Variants in ANKRD13C observed in about 807,000 individuals in gnomAD.
ANKRD13C encodes the protein ankyrin repeat domain 13C.
ANKRD13C carries 16 observed loss-of-function variants against 65.5 expected under a neutral mutation model. That is an observed-to-expected ratio of 0.24 (90% CI 0.17 to 0.37). ANKRD13C has a LOEUF of 0.37. Among genes scored for constraint, ANKRD13C ranks in the 10% least tolerant of loss-of-function variants. ANKRD13C has a pLI of 1.00. For missense variants in ANKRD13C, 503 were observed against 655.9 expected (o/e 0.77, Z 2.55); for synonymous variants, 235 against 238.7 (o/e 0.98, Z 0.14).
chr1:70,288,101 T>C (rs1380393300), intron 9 of ANKRD13C, among the ~76,000 whole-genome samples: 1 of 152,096 alleles, frequency 6.6e-6, no homozygotes, highest in Non-Finnish European at 1.5e-5. Context: ...TGAAGAGACA[T>C]GCTACAGAAG....
chr1:70,294,132 A>G (rs1356510106), intron 8 of ANKRD13C, among the ~76,000 whole-genome samples: 2 of 152,212 alleles, frequency 1.3e-5, no homozygotes, highest in Admixed American at 6.5e-5. Context: ...GAATGAGGAA[A>G]AAAAGCCAGC....
At chr1:70,341,242 A>G (rs1241199359) in intron 1 of ANKRD13C, among the ~76,000 whole-genome samples, 1 of 152,088 alleles carries the variant, frequency 6.6e-6, no homozygotes, top group African/African-American at 2.4e-5. Flanking sequence ...CTCCAACTGC[A>G]TGCAGTTGGG....
intron 2 of ANKRD13C, among the ~76,000 whole-genome samples, chr1:70,330,058 C>T (rs1191043545): frequency 6.7e-6 from 1 of 148,738 alleles, no homozygotes; most frequent in Non-Finnish European, 1.5e-5. Flanking sequence ...CACTGCACTC[C>T]AGCCTGGGTG....
intron 1 of ANKRD13C, among the ~76,000 whole-genome samples, chr1:70,347,281 C>T (rs1682573202): frequency 1.3e-5 from 2 of 151,906 alleles, no homozygotes; most frequent in Admixed American, 1.3e-4. Context: ...GGAACAGAAC[C>T]ATATTGTTTG....
At chr1:70,281,890 C>G (rs988611688) in intron 9 of ANKRD13C, among the ~76,000 whole-genome samples, 2 of 151,026 alleles carry the variant, frequency 1.3e-5, no homozygotes, top group African/African-American at 4.9e-5. Context: ...CTACTAACTA[C>G]TCAAGAGGCT....
intron 3 of ANKRD13C, among the ~76,000 whole-genome samples, chr1:70,317,850 A>G (rs4560989): frequency 0.13 from 19,964 of 152,074 alleles, 1,551 homozygotes; most frequent in East Asian, 0.35. Flanking sequence ...TTCCTAGATA[A>G]AAAGGGTCTT....
chr1:70,274,473 C>CAAA (rs769480539), intron 11 of ANKRD13C, among the ~76,000 whole-genome samples: 78 of 38,432 alleles, frequency 2.0e-3, no homozygotes, highest in African/African-American at 3.3e-3. Context: ...GACTCCATCT[C>CAAA]AAAAAAAAAA....
At chr1:70,335,901 C>G (rs1201756698) in intron 2 of ANKRD13C, among the ~76,000 whole-genome samples, 157 bp downstream of exon 2, 5 of 151,172 alleles carry the variant, frequency 3.3e-5, no homozygotes, top group Admixed American at 2.6e-4. Context: ...CCATGGAAAA[C>G]AAGAAAATAT....
At chr1:70,278,196 A>G (rs966167648) in intron 9 of ANKRD13C, among the ~76,000 whole-genome samples, 3 of 147,146 alleles carry the variant, frequency 2.0e-5, no homozygotes, top group Admixed American at 6.7e-5. Flanking sequence ...CTCACAGAAA[A>G]AAAAAAAAAG....
At position 70,326,263 on chromosome 1, in the gene ANKRD13C, AAGAC is replaced by A. The variant is rs1465745250; in HGVS notation, c.473-1310_473-1307del. On this transcript the variant is annotated intron_variant, in intron 2 of 12. Transcript: ENST00000370944. ...AAAAAAAAAAAAAAAAAAAAAAAAAAAGACAGCCATCCATCCATTCATTCAATCA... is the reference window on the plus strand; with the variant it reads ...AAAAAAAAAAAAAAAAAAAAAAAAAAAGCCATCCATCCATTCATTCAATCA... Among the ~76,000 whole-genome samples, 41 of 134,376 alleles carry A rather than the reference AAGAC, an allele frequency of 3.1e-4. 1 individual carries two copies. Among genetic ancestry groups the A allele is most frequent in the Non-Finnish European group, 5.6e-4 (35 of 61,962 alleles). The allele number at this position is 134,376 out of a possible 152,430, so 88.2% of individuals were successfully genotyped here.
chr1:70,295,699 A>C (rs982139253), intron 8 of ANKRD13C, among the ~76,000 whole-genome samples: 1 of 152,212 alleles, frequency 6.6e-6, no homozygotes, highest in Admixed American at 6.5e-5. Context: ...AAGGTTATTT[A>C]ATCTTACTCA....
intron 9 of ANKRD13C, among the ~76,000 whole-genome samples, chr1:70,290,987 T>C (rs1679840677): frequency 6.6e-6 from 1 of 152,128 alleles, no homozygotes; most frequent in Admixed American, 6.5e-5. Context: ...ATATTGCAGT[T>C]TGAAAAACAG....
intron 9 of ANKRD13C, among the ~76,000 whole-genome samples, chr1:70,281,876 G>A (rs111430104): frequency 0.017 from 2,619 of 150,922 alleles, 83 homozygotes; most frequent in African/African-American, 0.057. Flanking sequence ...GTGAAACCCC[G>A]TCTCTACTAA....
chr1:70,336,640 G>C (rs1296317113), intron 1 of ANKRD13C, among the ~76,000 whole-genome samples: 1 of 152,214 alleles, frequency 6.6e-6, no homozygotes, highest in Non-Finnish European at 1.5e-5. Flanking sequence ...TAAAGAATTT[G>C]TTAGAAATCT....
intron 9 of ANKRD13C, among the ~76,000 whole-genome samples, chr1:70,281,550 A>AT (rs1354417142): frequency 1.3e-5 from 2 of 151,488 alleles, no homozygotes; most frequent in South Asian, 2.1e-4. Flanking sequence ...CTACAGATGC[A>AT]TGCCACCATG....
chr1:70,287,894 C>T (rs1000046756), intron 9 of ANKRD13C, among the ~76,000 whole-genome samples: 1 of 152,112 alleles, frequency 6.6e-6, no homozygotes, highest in Admixed American at 6.5e-5. Context: ...GTGATGCATG[C>T]GTGTAATCTC....
intron 9 of ANKRD13C, 79 bp from the exon 10 acceptor site, chr1:70,276,923 A>G (rs1388956344): frequency 1.8e-6 from 2 of 1,098,816 alleles, no homozygotes; most frequent in Non-Finnish European, 2.6e-6. Context: ...ATTAAAATAC[A>G]TCGTAAACTA....
intron 1 of ANKRD13C, among the ~76,000 whole-genome samples, chr1:70,339,608 C>T (rs1428475982): frequency 2.0e-5 from 3 of 151,828 alleles, no homozygotes. Context: ...AGTGAGCCAC[C>T]GCGCTCGGCC....
chr1:70,326,056 A>G (rs1430250304), intron 2 of ANKRD13C, among the ~76,000 whole-genome samples: 2 of 151,090 alleles, frequency 1.3e-5, no homozygotes, highest in African/African-American at 4.9e-5. Context: ...ACATGGAGAA[A>G]CCCCATCTCT....
Sources: allele counts gnomAD v4.1 joint callset (sites outside exome capture counted in the v4.1 genomes callset), GRCh38; gene constraint gnomAD v4.1.1; transcripts MANE v1.5; gene names NCBI Gene and HGNC (gene_info 2026-07-23, HGNC 2026-07-21).